HECW1: variants seen among roughly 807,000 people sequenced by gnomAD.
HECW1 encodes the protein HECT, C2 and WW domain containing E3 ubiquitin protein ligase 1.
HECW1 carries 61 observed loss-of-function variants against 182.3 expected under a neutral mutation model. That is an observed-to-expected ratio of 0.33 (90% CI 0.27 to 0.41). HECW1 has a LOEUF of 0.41. Among genes scored for constraint, HECW1 ranks in the 10% least tolerant of loss-of-function variants. The pLI, the probability that HECW1 is intolerant of heterozygous loss-of-function variation, is 1.00. For missense variants in HECW1, 1,739 were observed against 2,108.9 expected (o/e 0.82, Z 3.44); for synonymous variants, 859 against 832.6 (o/e 1.03, Z -0.55).
intron 20 of HECW1, among the ~76,000 whole-genome samples, 190 bp from the exon 21 acceptor site, chr7:43,501,023 A>G (rs993984877): frequency 6.6e-6 from 1 of 152,164 alleles, no homozygotes; most frequent in Non-Finnish European, 1.5e-5. Flanking sequence ...AGGATTAATC[A>G]AGGTTTAAAA....
intron 10 of HECW1, among the ~76,000 whole-genome samples, chr7:43,443,257 G>A (rs952120130): frequency 6.6e-6 from 1 of 152,116 alleles, no homozygotes; most frequent in Non-Finnish European, 1.5e-5. Context: ...AGGACCTCCT[G>A]GACCATTTAC....
intron 2 of HECW1, among the ~76,000 whole-genome samples, chr7:43,235,851 T>C (rs1798284730): frequency 6.6e-6 from 1 of 152,074 alleles, no homozygotes; most frequent in Admixed American, 6.5e-5. Context: ...CTCTGGATTC[T>C]AGATGGATAA....
chr7:43,223,941 G>T (rs968507047), intron 2 of HECW1, among the ~76,000 whole-genome samples: 4 of 152,016 alleles, frequency 2.6e-5, no homozygotes, highest in African/African-American at 9.7e-5. Flanking sequence ...TCCTTTGATT[G>T]CCCCTTCTGA....
intron 2 of HECW1, among the ~76,000 whole-genome samples, chr7:43,185,488 C>T (rs115720828): frequency 2.3e-3 from 354 of 152,280 alleles, no homozygotes; most frequent in African/African-American, 8.1e-3. Context: ...GAGCCGTCAA[C>T]CTGTGAGATC....
intron 3 of HECW1, among the ~76,000 whole-genome samples, chr7:43,269,294 T>G (rs1802125667): frequency 6.6e-6 from 1 of 152,238 alleles, no homozygotes; most frequent in African/African-American, 2.4e-5. Flanking sequence ...CATGCTCCTA[T>G]TGGCCACAGA....
chr7:43,519,913 G>A (rs1211217722), intron 24 of HECW1, among the ~76,000 whole-genome samples: 1 of 152,116 alleles, frequency 6.6e-6, no homozygotes, highest in East Asian at 1.9e-4. Context: ...AAAAAATATG[G>A]AAGGGCACAT....
chr7:43,152,783 C>G (rs577438022), intron 2 of HECW1, among the ~76,000 whole-genome samples: 1 of 152,222 alleles, frequency 6.6e-6, no homozygotes, highest in Non-Finnish European at 1.5e-5. Flanking sequence ...GCCCTCGGGT[C>G]TTCATATCTG....
chr7:43,251,171 G>A (rs1486348309), intron 3 of HECW1, among the ~76,000 whole-genome samples: 1 of 152,164 alleles, frequency 6.6e-6, no homozygotes, highest in Non-Finnish European at 1.5e-5. Flanking sequence ...AAGGTGCCAA[G>A]CTATCAGAGT....
intron 2 of HECW1, among the ~76,000 whole-genome samples, chr7:43,170,228 A>T (rs1791545471): frequency 6.6e-6 from 1 of 152,182 alleles, no homozygotes. Flanking sequence ...ATGCCTGATG[A>T]TCTGTTACTG....
chr7:43,281,592 C>T (rs146163053), intron 3 of HECW1, among the ~76,000 whole-genome samples: 1 of 152,100 alleles, frequency 6.6e-6, no homozygotes, highest in Admixed American at 6.5e-5. Context: ...TCTTCTTTCT[C>T]TCAGTCCACT....
At chr7:43,170,451 C>T (rs992114659) in intron 2 of HECW1, among the ~76,000 whole-genome samples, 12 of 152,108 alleles carry the variant, frequency 7.9e-5, no homozygotes, top group Non-Finnish European at 1.6e-4. Context: ...ACCCTTGGCT[C>T]CCAGTCACAT....
intron 7 of HECW1, among the ~76,000 whole-genome samples, chr7:43,399,886 T>C (rs910712080): frequency 1.3e-5 from 2 of 152,212 alleles, no homozygotes; most frequent in African/African-American, 4.8e-5. Context: ...TATATGTATG[T>C]TGCATTCACT....
intron 5 of HECW1, among the ~76,000 whole-genome samples, chr7:43,327,547 C>G (rs10279680): frequency 0.21 from 32,035 of 152,126 alleles, 4,876 homozygotes; most frequent in African/African-American, 0.42. Flanking sequence ...CCCCTCCCTG[C>G]TGTCCCTACC....
chr7:43,229,549 A>G (rs1797706076), intron 2 of HECW1, among the ~76,000 whole-genome samples: 1 of 152,120 alleles, frequency 6.6e-6, no homozygotes, highest in South Asian at 2.1e-4. Flanking sequence ...CTGGGTGATG[A>G]AATAATCTGT....
chr7:43,131,466 G>GT (rs1467581944), intron 2 of HECW1, among the ~76,000 whole-genome samples: 1 of 152,010 alleles, frequency 6.6e-6, no homozygotes, highest in Non-Finnish European at 1.5e-5. Flanking sequence ...CCTTTGTTTT[G>GT]TTTTTTGAGA....
intron 3 of HECW1, among the ~76,000 whole-genome samples, chr7:43,300,628 G>A (rs1021699378): frequency 2.0e-5 from 3 of 152,270 alleles, no homozygotes; most frequent in Middle Eastern, 3.4e-3. Context: ...TAAATGCTCT[G>A]AGACATCAAC....
chr7:43,348,719 C>G (rs1435370278), intron 5 of HECW1, among the ~76,000 whole-genome samples: 1 of 152,152 alleles, frequency 6.6e-6, no homozygotes, highest in African/African-American at 2.4e-5. Flanking sequence ...TCATTATTGT[C>G]ATTCAGTTCA....
chr7:43,406,322 G>A lies in HECW1; in HGVS notation c.632-1240G>A, dbSNP rs2075608381. Among the ~76,000 whole-genome samples the A allele has an allele frequency of 3.9e-5, 6 of 152,118 alleles. 1 individual carries two copies. The highest frequency in any genetic ancestry group is 3.9e-4 in the Admixed American group (6 of 15,270). On this transcript the variant is annotated intron_variant, in intron 7 of 29. Transcript: ENST00000395891. ...CTTCTTTGGTTTCTCAACTCCTTTG[G>A]CATTTGGTGGTCATTTTGAATATAC... is the stretch of plus-strand genomic sequence containing the variant.
At chr7:43,411,006 G>T (rs2075783240) in intron 8 of HECW1, among the ~76,000 whole-genome samples, 3 of 147,678 alleles carry the variant, frequency 2.0e-5, no homozygotes. Flanking sequence ...TTTTATATAT[G>T]CCCTTATTTT....
Sources: allele counts gnomAD v4.1 joint callset (sites outside exome capture counted in the v4.1 genomes callset), GRCh38; gene constraint gnomAD v4.1.1; transcripts MANE v1.5; gene names NCBI Gene and HGNC (gene_info 2026-07-23, HGNC 2026-07-21).